WARS1: variants seen among roughly 807,000 people sequenced by gnomAD.
The protein encoded by WARS1 is tryptophan--tRNA ligase, cytoplasmic.
WARS1 carries 17 observed loss-of-function variants against 47.8 expected under a neutral mutation model. That is an observed-to-expected ratio of 0.36 (90% confidence interval 0.24 to 0.53). The LOEUF (loss-of-function observed/expected upper bound fraction) is 0.53. Ranked by LOEUF, WARS1 falls within the 20% of genes least tolerant of loss-of-function variation. WARS1 has a pLI of 0.91. For missense variants in WARS1, 434 were observed against 608.0 expected, an observed-to-expected ratio of 0.71 and a Z score of 3.01; for synonymous variants, 208 against 228.1, an observed-to-expected ratio of 0.91 and a Z score of 0.79.
At chr14:100,336,890 G>A in intron 10 of WARS1, 172 bp downstream of exon 10, 2 of 802,570 alleles carry the variant, frequency 2.5e-6, no homozygotes, top group Non-Finnish European at 3.8e-6. Flanking sequence ...TGTTCATGAG[G>A]CTTCTGAGCC....
chr14:100,336,863 T>C (rs1893767433), intron 10 of WARS1, 199 bp downstream of exon 10: 7 of 597,108 alleles, frequency 1.2e-5, no homozygotes, highest in Non-Finnish European at 2.0e-5. Flanking sequence ...GTGATTTGTA[T>C]CTGCTCTTTC....
At chr14:100,352,303 G>A (rs1490454429) in intron 6 of WARS1, among the ~76,000 whole-genome samples, 1 of 151,580 alleles carries the variant, frequency 6.6e-6, no homozygotes, top group Non-Finnish European at 1.5e-5. Context: ...GTAGAGATGG[G>A]GTTTCACCAT....
intron 2 of WARS1, among the ~76,000 whole-genome samples, chr14:100,364,034 C>T (rs578237716): frequency 1.3e-5 from 2 of 152,218 alleles, no homozygotes; most frequent in Non-Finnish European, 2.9e-5. Context: ...GGCTGAGGCG[C>T]GTGAGGGTGG....
At chr14:100,371,876 T>C (rs2140099226) in intron 1 of WARS1, among the ~76,000 whole-genome samples, 1 of 152,322 alleles carries the variant, frequency 6.6e-6, no homozygotes, top group Admixed American at 6.5e-5. Flanking sequence ...GTCAGGTCTC[T>C]GAGCCCAAGC....
intron 6 of WARS1, among the ~76,000 whole-genome samples, chr14:100,352,584 G>C (rs1252165388): frequency 1.3e-5 from 2 of 152,214 alleles, no homozygotes; most frequent in African/African-American, 4.8e-5. Flanking sequence ...TCAGAGCCCA[G>C]CCTGGGCTGC....
At chr14:100,335,062 A>C in intron 10 of WARS1, 26 bp from the exon 11 acceptor site, 2 of 1,608,798 alleles carry the variant, frequency 1.2e-6, no homozygotes, top group Non-Finnish European at 1.7e-6. Flanking sequence ...CAGCCACGTG[A>C]GAGATGGCTC....
At chr14:100,342,375 C>T in intron 9 of WARS1, 23 bp downstream of exon 9, 5 of 1,613,078 alleles carry the variant, frequency 3.1e-6, no homozygotes, top group South Asian at 1.1e-5. Context: ...CGCTGGCTGC[C>T]CTCTGCCTGG....
At chr14:100,343,510 A>G in intron 7 of WARS1, 123 bp from the exon 8 acceptor site, 1 of 674,524 alleles carries the variant, frequency 1.5e-6, no homozygotes, top group Non-Finnish European at 2.4e-6. Context: ...AATCTAAAAA[A>G]TACAGAAAAG....
At position 100,369,312 on chromosome 14, in the gene WARS1, T is replaced by G. The variant is rs865791520; in HGVS notation, c.-73-54A>C. 1.6e-4 allele frequency: 92 copies of G among 573,256 alleles called. No homozygotes were observed. In the Middle Eastern group the frequency reaches 5.7e-3, roughly 35 times the overall value. The allele number at this position is 573,256 out of a possible 1,614,324, so 35.5% of individuals were successfully genotyped here. A position where few individuals can be genotyped will look rare whatever the true frequency, so the allele number is the denominator to read the frequency against. On this transcript the variant is annotated intron_variant, in intron 1 of 10. Coordinates refer to ENST00000392882, the MANE Select transcript of WARS1 (RefSeq NM_004184.4). ...GGAAAAACCAGAGGTTAACACAACA[T>G]CGCGGCTGTTTTTCCTTTCCTGTAT...
intron 7 of WARS1, 40 bp from the exon 8 acceptor site, chr14:100,343,427 T>G: frequency 1.8e-5 from 25 of 1,403,154 alleles, no homozygotes; most frequent in Middle Eastern, 1.8e-4. Context: ...TGAGATGAGT[T>G]CCTGTTCTGC....
intron 2 of WARS1, among the ~76,000 whole-genome samples, chr14:100,363,494 G>C (rs578208610): frequency 2.0e-4 from 31 of 152,094 alleles, no homozygotes; most frequent in Non-Finnish European, 2.2e-4. Flanking sequence ...TCATAAGTTC[G>C]AGACCACCCT....
chr14:100,355,949 T>C (rs1895282520), intron 4 of WARS1, among the ~76,000 whole-genome samples: 1 of 152,230 alleles, frequency 6.6e-6, no homozygotes, highest in African/African-American at 2.4e-5. Context: ...GCTGCTTTTC[T>C]TGTGTTTATG....
intron 2 of WARS1, among the ~76,000 whole-genome samples, chr14:100,363,529 C>T (rs1209512520): frequency 6.6e-6 from 1 of 152,054 alleles, no homozygotes; most frequent in African/African-American, 2.4e-5. Context: ...AACCCTGTCT[C>T]TACCAAAAAT....
Position 100,354,650 on chromosome 14 carries a change from T to C in WARS1, c.423-84A>G, listed in dbSNP as rs1184022099. ...AATGCACTTTTGGAAATGGAAAATA[T>C]AGACAGAGACGAAACAACATGGATA... On this transcript the variant is annotated intron_variant, in intron 4 of 10. Transcript: ENST00000392882. 13 of 1,451,998 alleles carry C rather than the reference T, an allele frequency of 9.0e-6. No homozygotes were observed. In the Admixed American group the frequency reaches 2.4e-4, roughly 27 times the overall value. The allele number at this position is 1,451,998 out of a possible 1,614,324, so 89.9% of individuals were successfully genotyped here.
intron 9 of WARS1, among the ~76,000 whole-genome samples, chr14:100,341,279 G>A (rs953268832): frequency 1.3e-5 from 2 of 152,134 alleles, no homozygotes; most frequent in African/African-American, 2.4e-5. Context: ...TTCCAATGGC[G>A]CTTCCCTCCC....
In WARS1 at chr14:100,369,275, G is replaced by GGGGGGGC; in HGVS notation, c.-73-18_-73-17insGCCCCCC. The GGGGGGGC allele has an allele frequency of 2.5e-6, 1 of 401,572 alleles. No individual in the cohort carries two copies. The highest frequency in any genetic ancestry group is 4.1e-6 in the Non-Finnish European group (1 of 245,490). The allele number at this position is 401,572 out of a possible 1,614,324, so 24.9% of individuals were successfully genotyped here. A position where few individuals can be genotyped will look rare whatever the true frequency, so the allele number is the denominator to read the frequency against. ...GAGTCAAGACTGGGGTGGGGGCGGG[G>GGGGGGGC]AAGGAGAGAGAGGAAAAACCAGAGG... On this transcript the variant is annotated splice_polypyrimidine_tract_variant and intron_variant, in intron 1 of 10. Transcript: ENST00000392882.
intron 6 of WARS1, among the ~76,000 whole-genome samples, chr14:100,351,469 A>G (rs1347242279): frequency 1.3e-5 from 2 of 149,924 alleles, no homozygotes; most frequent in Admixed American, 1.3e-4. Context: ...CCTGGCCAAC[A>G]TGGCAAAACC....
At chr14:100,346,510 G>C (rs1158853562) in intron 7 of WARS1, among the ~76,000 whole-genome samples, 1 of 152,204 alleles carries the variant, frequency 6.6e-6, no homozygotes, top group Admixed American at 6.5e-5. Context: ...GAGAGGGACA[G>C]ACTCACATCC....
chr14:100,348,202 T>G (rs548396375), intron 6 of WARS1, among the ~76,000 whole-genome samples: 58 of 152,332 alleles, frequency 3.8e-4, no homozygotes, highest in African/African-American at 1.3e-3. Flanking sequence ...CACCACATCT[T>G]ATCCTTTAGA....
Sources: gnomAD v4.1 joint callset for allele counts (sites outside exome capture counted in the v4.1 genomes callset) on GRCh38, gnomAD v4.1.1 for gene constraint, MANE v1.5 for transcripts, NCBI Gene and HGNC (gene_info 2026-07-23, HGNC 2026-07-21) for gene names.